The following FBXL2 variants were observed in gnomAD, a reference collection of about 807,000 sequenced individuals.
FBXL2 encodes F-box and leucine rich repeat protein 2.
FBXL2 carries 38 observed loss-of-function variants against 69.2 expected under a neutral mutation model. The observed-to-expected ratio is 0.55, with a 90% CI of 0.42 to 0.72. The LOEUF (loss-of-function observed/expected upper bound fraction) is 0.72, where lower values mean the gene tolerates loss of function less well. Ranked by LOEUF, FBXL2 falls within the 30% of genes least tolerant of loss-of-function variation. FBXL2 has a pLI of 0.00. For missense variants in FBXL2, 354 were observed against 520.3 expected (o/e 0.68, Z 3.11); for synonymous variants, 192 against 201.3 (o/e 0.95, Z 0.39).
intron 14 of FBXL2, 34 bp downstream of exon 14, chr3:33,384,235 A>G: frequency 6.3e-7 from 1 of 1,591,670 alleles, no homozygotes; most frequent in South Asian, 1.1e-5. Context: ...GTCACACCTG[A>G]CATTTCTAAG....
chr3:33,295,280 A>C (rs2035629394), intron 1 of FBXL2, among the ~76,000 whole-genome samples: 1 of 152,168 alleles, frequency 6.6e-6, no homozygotes, highest in Admixed American at 6.5e-5. Context: ...GGCAACTACT[A>C]GTCTATTTTC....
downstream of FBXL2, among the ~76,000 whole-genome samples, chr3:33,407,779 A>G (rs745561222): frequency 1.3e-5 from 2 of 152,234 alleles, no homozygotes; most frequent in Non-Finnish European, 2.9e-5. Context: ...TGGTACTTTA[A>G]TAGTGCAAAG....
chr3:33,337,975 C>CA (rs2039719471), intron 2 of FBXL2, among the ~76,000 whole-genome samples: 1 of 151,944 alleles, frequency 6.6e-6, no homozygotes, highest in Non-Finnish European at 1.5e-5. Context: ...ATGACACAAA[C>CA]AAAAAAACAT....
At chr3:33,289,980 G>A (rs965211675) in intron 1 of FBXL2, among the ~76,000 whole-genome samples, 1 of 152,166 alleles carries the variant, frequency 6.6e-6, no homozygotes, top group East Asian at 1.9e-4. Flanking sequence ...CTTTGAGAAG[G>A]CATAGTCAGG....
intron 2 of FBXL2, among the ~76,000 whole-genome samples, chr3:33,349,641 A>G (rs552005456): frequency 3.3e-5 from 5 of 152,254 alleles, no homozygotes; most frequent in African/African-American, 1.2e-4. Flanking sequence ...TTCCCTCTTC[A>G]TCTGTTTTTT....
chr3:33,350,433 ATT>A (rs60005264), intron 2 of FBXL2, among the ~76,000 whole-genome samples: 5 of 145,338 alleles, frequency 3.4e-5, no homozygotes, highest in African/African-American at 5.1e-5. Flanking sequence ...TAACATCATA[ATT>A]TTTTTTTTTT....
rs2042712950 is a variant in FBXL2, at chr3:33,377,407, TG to T, written c.849+77del. 21 of 1,458,004 alleles carry T rather than the reference TG, an allele frequency of 1.4e-5. No homozygotes were observed. The South Asian group carries it at 2.4e-4, about 17-fold the overall frequency. The allele number at this position is 1,458,004 out of a possible 1,614,324, so 90.3% of individuals were successfully genotyped here. The stretch of plus-strand genomic sequence containing the variant: ...AATTCAAAGTGACTTGGAGTGGTTT[TG>T]GGTGTGCAAAAGACTACCTTCAGAA... On this transcript the variant is annotated intron_variant, in intron 11 of 14. Transcript: ENST00000484457.
intron 2 of FBXL2, chr3:33,303,226 C>A (rs1019323700): frequency 1.3e-5 from 6 of 453,416 alleles, no homozygotes; most frequent in Non-Finnish European, 2.2e-5. Flanking sequence ...GATTTTCCCT[C>A]TTTGCCGAAG....
intron 12 of FBXL2, among the ~76,000 whole-genome samples, chr3:33,395,714 C>T (rs566267431): frequency 5.4e-4 from 63 of 117,414 alleles, no homozygotes; most frequent in African/African-American, 1.9e-3. Context: ...ATATGTTATG[C>T]TTTAAGAGTT....
At chr3:33,337,252 A>T (rs1217384238) in intron 2 of FBXL2, among the ~76,000 whole-genome samples, 1 of 152,082 alleles carries the variant, frequency 6.6e-6, no homozygotes, top group Non-Finnish European at 1.5e-5. Flanking sequence ...GTGAAAGGAC[A>T]GAGAAGACAT....
Position 33,297,681 on chromosome 3 carries a change from T to C in FBXL2, c.21T>C (p.Asp7=). Residue 7 remains aspartate (D), a synonymous_variant, in exon 2 of 15, where the codon GAT becomes GAC. Transcript: ENST00000484457. MVFSNN[D]EGLINKKLPK... is the part of the protein sequence containing the mutation. Reference sequence around the variant, plus strand: ...CTTTCCAGGTTTTCTCAAACAATGATGAAGGCCTTATTAACAAAAAGTTAC... The same window carrying C: ...CTTTCCAGGTTTTCTCAAACAATGACGAAGGCCTTATTAACAAAAAGTTAC... 1 of 1,574,094 alleles carries C rather than the reference T, an allele frequency of 6.4e-7. No homozygotes were observed. Among genetic ancestry groups the C allele is most frequent in the Non-Finnish European group, 8.7e-7 (1 of 1,155,720 alleles).
At chr3:33,403,636 G>T (rs996631857) in exon 13 of FBXL2, 10 of 150,588 alleles carry the variant, frequency 6.6e-5, no homozygotes, top group South Asian at 2.1e-4. Context: ...TTTTCTGGAA[G>T]GGTTATGGTG....
chr3:33,392,304 G>A (rs536716119), downstream of FBXL2: 32 of 365,278 alleles, frequency 8.8e-5, no homozygotes, highest in Non-Finnish European at 1.1e-4. Context: ...ACAGAAGCAC[G>A]GTGTCTGACA....
chr3:33,352,080 T>TAATCGAGACTAA (rs2040867239), intron 2 of FBXL2, among the ~76,000 whole-genome samples: 1 of 152,010 alleles, frequency 6.6e-6, no homozygotes, highest in Non-Finnish European at 1.5e-5. Flanking sequence ...TAAGACTTAG[T>TAATCGAGACTAA]ATAAAGCTCC....
intron 5 of FBXL2, among the ~76,000 whole-genome samples, chr3:33,371,989 GCTA>G (rs748290571): frequency 9.2e-5 from 14 of 152,154 alleles, no homozygotes; most frequent in Non-Finnish European, 1.6e-4. Context: ...GTGAGCTCTG[GCTA>G]CTGTTTCCTT....
At chr3:33,287,636 C>A (rs1371848547) in intron 1 of FBXL2, among the ~76,000 whole-genome samples, 1 of 152,174 alleles carries the variant, frequency 6.6e-6, no homozygotes, top group African/African-American at 2.4e-5. Flanking sequence ...GCACTGCACC[C>A]AGCCTGAGTT....
At chr3:33,312,647 T>C (rs1191388057) in intron 2 of FBXL2, among the ~76,000 whole-genome samples, 1 of 152,194 alleles carries the variant, frequency 6.6e-6, no homozygotes, top group Non-Finnish European at 1.5e-5. Context: ...TTGTTAAAGC[T>C]TTTAGCTACT....
intron 2 of FBXL2, among the ~76,000 whole-genome samples, chr3:33,337,071 G>A (rs1427307033): frequency 4.0e-5 from 6 of 151,810 alleles, no homozygotes; most frequent in African/African-American, 1.5e-4. Flanking sequence ...TGGACGTGGC[G>A]GCGTGTGCCT....
At chr3:33,396,298 C>T (rs2043992355) in intron 12 of FBXL2, 1 of 1,552,312 alleles carries the variant, frequency 6.4e-7, no homozygotes, top group Non-Finnish European at 8.8e-7. Flanking sequence ...CAGAAGATGC[C>T]ACTGATGAGC....
Sources: allele counts gnomAD v4.1 joint callset (sites outside exome capture counted in the v4.1 genomes callset), GRCh38; gene constraint gnomAD v4.1.1; transcripts MANE v1.5; gene names NCBI Gene and HGNC (gene_info 2026-07-23, HGNC 2026-07-21).